The following COL11A1 variants were observed in gnomAD, a reference collection of about 807,000 sequenced individuals.
COL11A1 encodes the protein collagen type XI alpha 1 chain.
In COL11A1, 74 loss-of-function variants were observed where a neutral mutation model predicts 265.2. That is an observed-to-expected ratio of 0.28 (90% confidence interval 0.23 to 0.34). The LOEUF is 0.34. COL11A1 is among the 10% of genes least tolerant of loss of function. COL11A1 has a pLI of 1.00. For synonymous variants in COL11A1, 816 were observed against 727.6 expected, an observed-to-expected ratio of 1.12 and a Z score of -1.96; for missense variants, 2,165 against 2,263.6, an observed-to-expected ratio of 0.96 and a Z score of 0.88.
chr1:102,985,743 G>T (rs1298566708), intron 30 of COL11A1, among the ~76,000 whole-genome samples: 1 of 152,152 alleles, frequency 6.6e-6, no homozygotes, highest in Non-Finnish European at 1.5e-5. Context: ...ACAATAGCTT[G>T]TGTGACTGTT....
chr1:103,007,048 T>C (rs1665692682), intron 15 of COL11A1, among the ~76,000 whole-genome samples: 1 of 152,062 alleles, frequency 6.6e-6, no homozygotes. Flanking sequence ...ATTGCGCTTA[T>C]AATGTTGGAT....
At chr1:102,996,463 T>C (rs1664639431) in intron 26 of COL11A1, among the ~76,000 whole-genome samples, 1 of 151,784 alleles carries the variant, frequency 6.6e-6, no homozygotes, top group Non-Finnish European at 1.5e-5. Context: ...ATTCACTTCA[T>C]CAAGAATATA....
chr1:103,103,013 A>G (rs1188637687), intron 1 of COL11A1, among the ~76,000 whole-genome samples: 1 of 152,024 alleles, frequency 6.6e-6, no homozygotes, highest in Non-Finnish European at 1.5e-5. Context: ...GTAGCCTACT[A>G]AGAGTGACTA....
At position 103,074,643 on chromosome 1, in the gene COL11A1, C is replaced by T; in HGVS notation, c.626G>A (p.Arg209Lys). 1 of 1,613,200 alleles carries T rather than the reference C, an allele frequency of 6.2e-7. No individual in the cohort carries two copies. Among genetic ancestry groups the T allele is most frequent in the Non-Finnish European group, 8.5e-7 (1 of 1,179,516 alleles). Residue 209 changes from arginine to lysine, a missense_variant, in exon 4 of 67, where the codon AGG (arginine) becomes AAG (lysine). Coordinates refer to ENST00000370096, the MANE Select transcript of COL11A1 (RefSeq NM_001854.4). ...DTNGITVFGT[R>K]ILDEEVFEGD... is the part of the protein sequence containing the mutation. ...CTCAAAAACTTCTTCATCCAAAATC[C>T]TTGTTCCAAAAACCGTGATTCCATT...
At chr1:102,949,463 C>A (rs760673578) in intron 41 of COL11A1, among the ~76,000 whole-genome samples, 2 of 149,980 alleles carry the variant, frequency 1.3e-5, no homozygotes, top group Non-Finnish European at 2.9e-5. Flanking sequence ...CAAAGAATAC[C>A]CTAGGAAGAT....
At chr1:103,077,641 T>C (rs1407157801) in intron 3 of COL11A1, among the ~76,000 whole-genome samples, 1 of 152,084 alleles carries the variant, frequency 6.6e-6, no homozygotes, top group Non-Finnish European at 1.5e-5. Context: ...TATAACCAAA[T>C]GTGCTATTTT....
At position 103,031,108 on chromosome 1, in the gene COL11A1, C is replaced by T. The variant is rs1667952638; in HGVS notation, c.780+8G>A. On this transcript the variant is annotated splice_region_variant and intron_variant, in intron 5 of 66. Transcript: ENST00000370096. ...TACGAAGACCTTCTCTGGTCTTGTG[C>T]TCCTCACCTCATCTATCTGAGGTTC... The T allele has an allele frequency of 6.2e-7, 1 of 1,613,292 alleles. No homozygotes were observed.
At chr1:103,087,086 T>G (rs933485576) in intron 1 of COL11A1, among the ~76,000 whole-genome samples, 4 of 152,204 alleles carry the variant, frequency 2.6e-5, no homozygotes, top group Non-Finnish European at 4.4e-5. Context: ...AGAAGTAATT[T>G]TATGGCTAAA....
At chr1:102,956,488 G>A (rs1195859657) in intron 41 of COL11A1, among the ~76,000 whole-genome samples, 2 of 151,948 alleles carry the variant, frequency 1.3e-5, no homozygotes, top group East Asian at 3.9e-4. Flanking sequence ...TAAATAGTAT[G>A]CATAAAATAT....
At chr1:102,960,079 G>T (rs924964336) in intron 41 of COL11A1, among the ~76,000 whole-genome samples, 2 of 152,060 alleles carry the variant, frequency 1.3e-5, no homozygotes, top group Non-Finnish European at 2.9e-5. Context: ...ACTAACTTTT[G>T]AGGACATTAG....
intron 1 of COL11A1, among the ~76,000 whole-genome samples, chr1:103,086,490 C>A (rs11164666): frequency 0.56 from 84,988 of 151,994 alleles, 24,870 homozygotes; most frequent in East Asian, 0.92. Context: ...GATCTCGGCT[C>A]GCTGCAAGCC....
At chr1:102,989,486 T>G (rs1434210243) in intron 29 of COL11A1, 32 bp downstream of exon 29, 1 of 1,421,114 alleles carries the variant, frequency 7.0e-7, no homozygotes, top group African/African-American at 1.4e-5. Flanking sequence ...TATTAAATTT[T>G]GTGTACTGGT....
At chr1:103,066,795 C>T (rs1671189588) in intron 4 of COL11A1, among the ~76,000 whole-genome samples, 2 of 151,888 alleles carry the variant, frequency 1.3e-5, no homozygotes, top group South Asian at 2.1e-4. Flanking sequence ...CTCTAACAGG[C>T]ACACTTTAAC....
At chr1:102,974,018 C>A (rs772093109) in intron 36 of COL11A1, among the ~76,000 whole-genome samples, 1 of 152,118 alleles carries the variant, frequency 6.6e-6, no homozygotes, top group Non-Finnish European at 1.5e-5. Flanking sequence ...ATAGACTTGG[C>A]CCCTGCCCCT....
chr1:103,017,623 A>G (rs1355155797), intron 11 of COL11A1, among the ~76,000 whole-genome samples, 197 bp downstream of exon 11: 1 of 152,204 alleles, frequency 6.6e-6, no homozygotes, highest in African/African-American at 2.4e-5. Context: ...ATTATGCCAT[A>G]GATAAATGCA....
chr1:103,020,253 G>C (rs1329606919), intron 9 of COL11A1, among the ~76,000 whole-genome samples: 8 of 143,502 alleles, frequency 5.6e-5, no homozygotes, highest in African/African-American at 1.5e-4. Context: ...AGCACCTGTT[G>C]TTTCCTGACT....
At chr1:103,036,596 A>G (rs913557514) in intron 4 of COL11A1, among the ~76,000 whole-genome samples, 1 of 151,768 alleles carries the variant, frequency 6.6e-6, no homozygotes, top group African/African-American at 2.4e-5. Flanking sequence ...AAATTCAATA[A>G]AAAACTTACA....
chr1:102,930,261 G>A (rs934594192), intron 46 of COL11A1, among the ~76,000 whole-genome samples: 5 of 151,586 alleles, frequency 3.3e-5, no homozygotes, highest in South Asian at 2.1e-4. Context: ...TTTGAAATAC[G>A]TCCCATCAAT....
At chr1:103,002,339 A>G (rs1665185570) in intron 23 of COL11A1, 89 bp downstream of exon 23, 1 of 1,130,566 alleles carries the variant, frequency 8.8e-7, no homozygotes, top group East Asian at 2.5e-5. Context: ...CTAGGACTAC[A>G]TAGAAAATTG....
Sources: gnomAD v4.1 joint callset for allele counts (sites outside exome capture counted in the v4.1 genomes callset) on GRCh38, gnomAD v4.1.1 for gene constraint, MANE v1.5 for transcripts, NCBI Gene and HGNC (gene_info 2026-07-23, HGNC 2026-07-21) for gene names.